The following TDRD1 variants were observed in gnomAD, a reference collection of about 807,000 sequenced individuals.
TDRD1 encodes the protein tudor domain containing 1.
In TDRD1, 37 loss-of-function variants were observed where a neutral mutation model predicts 140.6. The ratio of observed to expected loss-of-function variants is 0.26; its 90% CI spans 0.20 to 0.35. The LOEUF is 0.35. Among genes scored for constraint, TDRD1 ranks in the 10% least tolerant of loss-of-function variants. The pLI is 1.00. For missense variants in TDRD1, 1,243 were observed against 1,393.0 expected (o/e 0.89, Z 1.71); for synonymous variants, 506 against 475.7 (o/e 1.06, Z -0.83).
Position 114,187,990 on chromosome 10 carries a change from C to A in TDRD1, c.159C>A (p.Phe53Leu), listed in dbSNP as rs748441312. The A allele has an allele frequency of 1.9e-6, 3 of 1,614,062 alleles. No individual in the cohort carries two copies. The African/African-American group carries it at 4.0e-5, about 22-fold the overall frequency. The change falls in exon 2 of 26, where the codon TTC (phenylalanine) becomes TTA (leucine). Residue 53 changes from phenylalanine (F) to leucine (L), a missense_variant. Coordinates refer to ENST00000251864, the Ensembl canonical transcript of TDRD1. ...GAACACTTCCTAACCACCCTAATTTCAGGCTGAAAAGCTCAGAGAATGGAA... is the reference window on the plus strand; with the variant it reads ...GAACACTTCCTAACCACCCTAATTTAAGGCTGAAAAGCTCAGAGAATGGAA...
chr10:114,231,444 T>A (rs531944462), intron 25 of TDRD1: 47 of 1,536,156 alleles, frequency 3.1e-5, no homozygotes, highest in Non-Finnish European at 3.9e-5. Flanking sequence ...AATTGAGTTT[T>A]TGTGTAAGGC....
rs117963378 is a variant in TDRD1, at chr10:114,227,359, A to G, written c.3403+60A>G. 3.0e-3 allele frequency: 3,688 copies of G among 1,226,614 alleles called. 9 individuals carry two copies. Among genetic ancestry groups the G allele is most frequent in the Non-Finnish European group, 3.7e-3 (3,075 of 835,586 alleles). The allele number at this position is 1,226,614 out of a possible 1,614,324, so 76.0% of individuals were successfully genotyped here. ...AAGTGTGAGGAATAACAGATAATCA[A>G]TTTAGTTGACTTGACCTTTTCTCAC... On this transcript the variant is annotated intron_variant, in intron 23 of 25. Transcript: ENST00000251864.
chr10:114,216,693 T>C lies in TDRD1; in HGVS notation c.2213-852T>C, dbSNP rs545342514. Among the ~76,000 whole-genome samples, 21 of 152,310 alleles carry C rather than the reference T, an allele frequency of 1.4e-4. No homozygotes were observed. The South Asian group carries it at 3.9e-3, about 29-fold the overall frequency. On this transcript the variant is annotated intron_variant, in intron 16 of 25. Transcript: ENST00000251864. ...GAGAGTATTAGGTCAAAGGAATATGTGTATTTGTGCTTTTGAGAGCTAGTG... is the reference window on the plus strand; with the variant it reads ...GAGAGTATTAGGTCAAAGGAATATGCGTATTTGTGCTTTTGAGAGCTAGTG...
chr10:114,221,359 A>G (rs777999646), exon 20 of TDRD1: 2 of 1,612,814 alleles, frequency 1.2e-6, no homozygotes, highest in East Asian at 4.5e-5. Context: ...GTTTCCAGCT[A>G]CCTCTTCAGC....
At chr10:114,189,518 T>C (rs1469272985) in intron 2 of TDRD1, among the ~76,000 whole-genome samples, 2 of 152,222 alleles carry the variant, frequency 1.3e-5, no homozygotes, top group Non-Finnish European at 2.9e-5. Flanking sequence ...AGGAAACTTG[T>C]GTCTGCCACT....
intron 4 of TDRD1, among the ~76,000 whole-genome samples, chr10:114,200,489 C>T (rs557884790): frequency 6.6e-6 from 1 of 152,002 alleles, no homozygotes; most frequent in Non-Finnish European, 1.5e-5. Flanking sequence ...GTGTGATTCT[C>T]ATTGTTTATT....
exon 23 of TDRD1, chr10:114,227,170 A>T (rs760650044): frequency 6.2e-7 from 1 of 1,611,606 alleles, no homozygotes; most frequent in South Asian, 1.1e-5. Flanking sequence ...GAAAGGAATT[A>T]CAAAGAATGT....
At chr10:114,186,556 C>T (rs1289589667) in intron 1 of TDRD1, among the ~76,000 whole-genome samples, 2 of 152,206 alleles carry the variant, frequency 1.3e-5, no homozygotes, top group African/African-American at 2.4e-5. Flanking sequence ...TGAGCCACCG[C>T]GCCCAGCCTT....
chr10:114,218,018 T>C (rs2035921364), intron 17 of TDRD1, among the ~76,000 whole-genome samples: 1 of 152,230 alleles, frequency 6.6e-6, no homozygotes, highest in South Asian at 2.1e-4. Context: ...AATAATTTTT[T>C]TACTATTTAC....
intron 25 of TDRD1, among the ~76,000 whole-genome samples, chr10:114,229,655 T>C (rs1437093785): frequency 6.6e-6 from 1 of 150,418 alleles, no homozygotes; most frequent in South Asian, 2.1e-4. Context: ...TTCACGCAAT[T>C]CTCCCACATC....
chr10:114,212,974 C>T (rs2133079477), intron 14 of TDRD1, among the ~76,000 whole-genome samples: 1 of 152,338 alleles, frequency 6.6e-6, no homozygotes, highest in East Asian at 1.9e-4. Flanking sequence ...AATCTACTTT[C>T]TGGCTCTGTA....
intron 25 of TDRD1, chr10:114,228,397 A>G: frequency 8.6e-7 from 1 of 1,168,538 alleles, no homozygotes; most frequent in Non-Finnish European, 1.1e-6. Flanking sequence ...GTGAATGCCT[A>G]TGTTATTGAT....
chr10:114,228,572 G>A (rs1407028005), intron 25 of TDRD1: 13 of 984,930 alleles, frequency 1.3e-5, no homozygotes, highest in African/African-American at 1.7e-5. Context: ...TGGATCTAAA[G>A]GGCCAAGAAC....
exon 22 of TDRD1, chr10:114,226,165 A>T (rs1250085788): frequency 6.2e-7 from 1 of 1,613,778 alleles, no homozygotes. Context: ...GCAACCAATC[A>T]CCTCTAGCCA....
chr10:114,221,675 C>T lies in TDRD1; in HGVS notation c.2890+199C>T, dbSNP rs374164361. On this transcript the variant is annotated intron_variant, in intron 20 of 25. Coordinates refer to ENST00000251864, the Ensembl canonical transcript of TDRD1. ...AGGGAAGCCCTACTACAGTCAGCAC[C>T]TACCTGCCCAGTAGCCTGGTCTACA... is the stretch of plus-strand genomic sequence containing the variant. 2.6e-5 allele frequency among the ~76,000 whole-genome samples: 4 copies of T among 152,192 alleles called. No individual in the cohort carries two copies. In the East Asian group the frequency reaches 5.8e-4, roughly 22 times the overall value.
exon 2 of TDRD1, chr10:114,187,883 C>T (rs575641347): frequency 1.2e-5 from 20 of 1,608,234 alleles, no homozygotes; most frequent in Admixed American, 1.7e-5. Flanking sequence ...TTTGGAAGCA[C>T]CTCCTTGTAA....
At chr10:114,222,162 T>C (rs1305905636) in intron 20 of TDRD1, among the ~76,000 whole-genome samples, 1 of 152,312 alleles carries the variant, frequency 6.6e-6, no homozygotes, top group African/African-American at 2.4e-5. Flanking sequence ...TTCTGTGTAC[T>C]AAAAAGCAGG....
intron 25 of TDRD1, among the ~76,000 whole-genome samples, chr10:114,229,121 A>G (rs1400609387): frequency 6.6e-6 from 1 of 152,106 alleles, no homozygotes; most frequent in Non-Finnish European, 1.5e-5. Flanking sequence ...AACAACCTCT[A>G]ATCTCAGAAT....
chr10:114,210,327 T>A (rs1295437683), intron 11 of TDRD1, among the ~76,000 whole-genome samples: 3 of 152,166 alleles, frequency 2.0e-5, no homozygotes, highest in Non-Finnish European at 4.4e-5. Context: ...TAGAGTGTTT[T>A]AATTAGATCT....
Sources: gnomAD v4.1 joint callset for allele counts (sites outside exome capture counted in the v4.1 genomes callset) on GRCh38, gnomAD v4.1.1 for gene constraint, MANE v1.5 for transcripts, NCBI Gene and HGNC (gene_info 2026-07-23, HGNC 2026-07-21) for gene names.